CD8B2: variants seen among roughly 807,000 people sequenced by gnomAD.
The protein encoded by CD8B2 is CD8B family member 2.
A neutral mutation model predicts 23.7 loss-of-function variants in CD8B2; 11 were observed. That is an observed-to-expected ratio of 0.46 (90% confidence interval 0.29 to 0.77). The LOEUF (loss-of-function observed/expected upper bound fraction) is 0.77, where lower values mean the gene tolerates loss of function less well. Among genes scored for constraint, CD8B2 ranks in the 30% least tolerant of loss-of-function variants. The probability of loss-of-function intolerance (pLI) is 0.09; values close to 1 mark genes in which losing one functional copy is unlikely to be tolerated. For synonymous variants in CD8B2, 90 were observed against 109.3 expected (o/e 0.82, Z 1.10); for missense variants, 197 against 270.5 (o/e 0.73, Z 1.91).
intron 5 of CD8B2, among the ~76,000 whole-genome samples, chr2:106,530,900 GT>G (rs1420472455): frequency 6.6e-6 from 1 of 152,142 alleles, no homozygotes; most frequent in African/African-American, 2.4e-5. Context: ...CCATGGCAAT[GT>G]CAGGAAGGTA....
At chr2:106,500,556 A>T (rs868778852) in intron 3 of CD8B2, among the ~76,000 whole-genome samples, 32 of 104,552 alleles carry the variant, frequency 3.1e-4, no homozygotes, top group Non-Finnish European at 4.6e-4. Context: ...AAATAAATAA[A>T]TAAATAATTA....
At chr2:106,531,558 C>T (rs77118502) in intron 5 of CD8B2, among the ~76,000 whole-genome samples, 13 of 152,260 alleles carry the variant, frequency 8.5e-5, no homozygotes, top group African/African-American at 3.1e-4. Flanking sequence ...GGATGATGTC[C>T]TGCAGGCTGA....
At chr2:106,530,379 A>G (rs1249406225) in intron 5 of CD8B2, among the ~76,000 whole-genome samples, 2 of 151,674 alleles carry the variant, frequency 1.3e-5, no homozygotes, top group East Asian at 3.9e-4. Context: ...ACCAGGAGCA[A>G]CTCCAGCTTT....
At chr2:106,540,570 CT>C (rs762740462) in intron 5 of CD8B2, among the ~76,000 whole-genome samples, 147 of 146,300 alleles carry the variant, frequency 1.0e-3, no homozygotes, top group Non-Finnish European at 8.9e-4. Flanking sequence ...CCAAATACTC[CT>C]TTTTTTTTTT....
chr2:106,526,429 C>A (rs908771098), intron 5 of CD8B2, among the ~76,000 whole-genome samples: 1 of 152,118 alleles, frequency 6.6e-6, no homozygotes, highest in Non-Finnish European at 1.5e-5. Flanking sequence ...CCCTGACATG[C>A]CTGCCACCCC....
At chr2:106,489,041 C>T (rs905651877) in intron 1 of CD8B2, among the ~76,000 whole-genome samples, 40 of 146,688 alleles carry the variant, frequency 2.7e-4, no homozygotes, top group Admixed American at 1.4e-4. Flanking sequence ...CTTGCTCTGT[C>T]GCCCAGGCTG....
At chr2:106,494,803 G>A (rs1679267396) in intron 2 of CD8B2, among the ~76,000 whole-genome samples, 1 of 152,214 alleles carries the variant, frequency 6.6e-6, no homozygotes, top group South Asian at 2.1e-4. Context: ...TGGGGCTGCA[G>A]GGGCCAGCTC....
chr2:106,498,088 C>T (rs1226882971), intron 3 of CD8B2, among the ~76,000 whole-genome samples: 1 of 152,058 alleles, frequency 6.6e-6, no homozygotes, highest in East Asian at 1.9e-4. Context: ...CTCACTCATA[C>T]TTTTATAAAT....
chr2:106,534,610 G>A (rs556490123), intron 5 of CD8B2, among the ~76,000 whole-genome samples: 1 of 152,236 alleles, frequency 6.6e-6, no homozygotes, highest in South Asian at 2.1e-4. Context: ...CCAGGGGAAC[G>A]CCGGGTTCCC....
chr2:106,530,448 G>A (rs1192840301), intron 5 of CD8B2, among the ~76,000 whole-genome samples: 1 of 152,108 alleles, frequency 6.6e-6, no homozygotes, highest in Non-Finnish European at 1.5e-5. Context: ...GCGCGATCTC[G>A]GCTCACTGCA....
At chr2:106,519,316 C>A (rs1480841431) in intron 5 of CD8B2, among the ~76,000 whole-genome samples, 1 of 152,310 alleles carries the variant, frequency 6.6e-6, no homozygotes, top group African/African-American at 2.4e-5. Context: ...GACTGCCTGG[C>A]TGTCTGTGCC....
intron 5 of CD8B2, among the ~76,000 whole-genome samples, chr2:106,517,468 G>T (rs898544786): frequency 1.3e-5 from 2 of 151,918 alleles, no homozygotes; most frequent in Non-Finnish European, 2.9e-5. Context: ...GCTGACTCTC[G>T]GTTGCCTGTG....
intron 5 of CD8B2, among the ~76,000 whole-genome samples, chr2:106,526,304 A>G (rs756804953): frequency 2.0e-5 from 3 of 152,216 alleles, no homozygotes; most frequent in Non-Finnish European, 4.4e-5. Flanking sequence ...ATACAATTCA[A>G]TAGTTTAAAG....
At chr2:106,501,105 G>A (rs1195561134) in intron 3 of CD8B2, among the ~76,000 whole-genome samples, 19 of 152,296 alleles carry the variant, frequency 1.2e-4, no homozygotes, top group Middle Eastern at 3.4e-3. Flanking sequence ...GGCAAAGTCT[G>A]GGGTTTAGTA....
intron 5 of CD8B2, among the ~76,000 whole-genome samples, chr2:106,538,483 A>G (rs1428757659): frequency 6.6e-6 from 1 of 152,184 alleles, no homozygotes; most frequent in Non-Finnish European, 1.5e-5. Context: ...AGCAGTGATT[A>G]AAATTTCCCC....
At chr2:106,495,557 A>G (rs184458388) in intron 2 of CD8B2, among the ~76,000 whole-genome samples, 1 of 152,140 alleles carries the variant, frequency 6.6e-6, no homozygotes, top group East Asian at 1.9e-4. Context: ...AATAAATAAA[A>G]AAATAAAAAT....
rs866703667 is a variant in CD8B2, at chr2:106,503,040, A to T, written c.583+477A>T. Among the ~76,000 whole-genome samples, 16 of 149,418 alleles carry T rather than the reference A, an allele frequency of 1.1e-4. 1 individual carries two copies. The South Asian group carries it at 1.5e-3, about 14-fold the overall frequency. ...CCTCTCCACGACACCGATATTGATG[A>T]GGCTGTGGGAAACAGAAATGACTGC... On this transcript the variant is annotated intron_variant, in intron 4 of 5. Transcript: ENST00000643224.
intron 5 of CD8B2, among the ~76,000 whole-genome samples, chr2:106,529,101 T>G (rs532326832): frequency 6.6e-6 from 1 of 152,324 alleles, no homozygotes; most frequent in South Asian, 2.1e-4. Flanking sequence ...TTTTGTGATG[T>G]GTTTCTGAGA....
chr2:106,532,442 C>T (rs1680000906), intron 5 of CD8B2, among the ~76,000 whole-genome samples: 1 of 152,014 alleles, frequency 6.6e-6, no homozygotes, highest in South Asian at 2.1e-4. Context: ...GGATCTTGCT[C>T]AAGAAAGAAT....
Sources: allele counts gnomAD v4.1 joint callset (sites outside exome capture counted in the v4.1 genomes callset), GRCh38; gene constraint gnomAD v4.1.1; transcripts MANE v1.5; gene names NCBI Gene and HGNC (gene_info 2026-07-23, HGNC 2026-07-21).